Variants in NFX1 observed in about 807,000 individuals in gnomAD.
NFX1 encodes the protein transcriptional repressor NF-X1.
A neutral mutation model predicts 137.2 loss-of-function variants in NFX1; 69 were observed. The observed-to-expected ratio is 0.50, with a 90% CI of 0.41 to 0.61. The LOEUF (loss-of-function observed/expected upper bound fraction) is 0.61, where lower values mean the gene tolerates loss of function less well. NFX1 is among the 20% of genes least tolerant of loss of function. The pLI, the probability that NFX1 is intolerant of heterozygous loss-of-function variation, is 0.00. For missense variants in NFX1, 1,167 were observed against 1,391.0 expected, an observed-to-expected ratio of 0.84 and a Z score of 2.56; for synonymous variants, 495 against 474.1, an observed-to-expected ratio of 1.04 and a Z score of -0.57.
rs1821271970 is a variant in NFX1 at position 33,294,466 on chromosome 9, G to GA, written c.80dup (p.Asn27LysfsTer15). ...ATGCTGCTGAATTCATTCCTCAGGA[G>GA]AAAAAAAATTCTGGTCTAAATTGTG... On this transcript the variant is annotated frameshift_variant, in exon 2 of 24. Transcript: ENST00000379540. LOFTEE classifies it high-confidence loss of function. 2.5e-6 allele frequency: 4 copies of GA among 1,602,992 alleles called. No homozygotes were observed. The highest frequency in any genetic ancestry group is 1.8e-5 in the Admixed American group (1 of 56,766).
Position 33,301,262 on chromosome 9 carries a change from G to A in NFX1, c.1034-1G>A, listed in dbSNP as rs1821553653. On this transcript the variant is annotated splice_acceptor_variant, in intron 2 of 23. Coordinates refer to ENST00000379540, the MANE Select transcript of NFX1 (RefSeq NM_002504.6). LOFTEE classifies it high-confidence loss of function. ...TTTTTGTTATTTTGTTTTTTAAACA[G>A]GTTCTCTAATTGAACAACTAACAAC... The A allele has an allele frequency of 6.2e-7, 1 of 1,609,862 alleles. No individual in the cohort carries two copies. The highest frequency in any genetic ancestry group is 1.3e-5 in the African/African-American group (1 of 74,662).
chr9:33,328,855 C>T (rs913149834), intron 10 of NFX1, among the ~76,000 whole-genome samples, 177 bp downstream of exon 10: 6 of 152,122 alleles, frequency 3.9e-5, no homozygotes, highest in African/African-American at 1.4e-4. Context: ...CTACCAAATA[C>T]AGGTGTGATA....
chr9:33,305,889 A>G (rs1821736033), intron 4 of NFX1, among the ~76,000 whole-genome samples: 1 of 152,232 alleles, frequency 6.6e-6, no homozygotes, highest in African/African-American at 2.4e-5. Flanking sequence ...GGACTTAAGG[A>G]TGAGAATCAC....
rs143454591 is a variant in NFX1, at chr9:33,364,849, G to A, written c.3039+75G>A. On this transcript the variant is annotated intron_variant, in intron 21 of 23. Coordinates refer to ENST00000379540, the MANE Select transcript of NFX1 (RefSeq NM_002504.6). ...AAAAAAAAAAAGCAATCAAGTCCTGGAAACACTTTCAACCTAGAGTAGTTG... is the reference window on the plus strand; with the variant it reads ...AAAAAAAAAAAGCAATCAAGTCCTGAAAACACTTTCAACCTAGAGTAGTTG... 87 of 1,581,096 alleles carry A rather than the reference G, an allele frequency of 5.5e-5. No homozygotes were observed. The East Asian group carries it at 1.9e-3, about 34-fold the overall frequency.
Position 33,354,056 on chromosome 9 carries a change from CTCTTTTTCCCTT to C in NFX1, c.2730-22_2730-11del. On this transcript the variant is annotated intron_variant, in intron 17 of 23. Transcript: ENST00000379540. The stretch of plus-strand genomic sequence containing the variant: ...GGAGGTTCTTGTGAAACTGCAATGC[CTCTTTTTCCCTT>C]TCTTTTTTATATTTCAGAATAGCTG... 6.4e-7 allele frequency: 1 copy of C among 1,559,530 alleles called. No individual in the cohort carries two copies. The highest frequency in any genetic ancestry group is 1.9e-5 in the Admixed American group (1 of 51,394).
intron 22 of NFX1, among the ~76,000 whole-genome samples, chr9:33,366,990 C>T (rs1322889354): frequency 6.6e-6 from 1 of 152,266 alleles, no homozygotes; most frequent in African/African-American, 2.4e-5. Context: ...ACTCAAAATG[C>T]ACAAGTGTCA....
intron 9 of NFX1, 44 bp from the exon 10 acceptor site, chr9:33,328,537 G>A (rs370974863): frequency 2.7e-4 from 395 of 1,438,448 alleles, no homozygotes; most frequent in Non-Finnish European, 3.7e-4. Context: ...ATGAAAATGA[G>A]TAGTTGCAGT....
intron 3 of NFX1, among the ~76,000 whole-genome samples, chr9:33,302,357 A>ATTT (rs33976056): frequency 1.7e-4 from 12 of 70,990 alleles, no homozygotes; most frequent in African/African-American, 4.3e-4. Flanking sequence ...ATCTAACTGT[A>ATTT]TTTTTTTTTT....
Position 33,367,421 on chromosome 9 carries a change from A to G in NFX1, c.3186-94A>G. 12 of 1,274,950 alleles carry G rather than the reference A, an allele frequency of 9.4e-6. No homozygotes were observed. In the South Asian group the frequency reaches 1.3e-4, roughly 13 times the overall value. 79.0% of individuals were successfully genotyped at this position (1,274,950 alleles called of 1,614,324 possible). A position where few individuals can be genotyped will look rare whatever the true frequency, so the allele number is the denominator to read the frequency against. On this transcript the variant is annotated intron_variant, in intron 22 of 23. Transcript: ENST00000379540. The stretch of plus-strand genomic sequence containing the variant: ...ATACCAGAGAGTGCTCAGTAGTGTC[A>G]TAGTGCCAAAATCAAGGGCTGAGTT...
intron 2 of NFX1, among the ~76,000 whole-genome samples, chr9:33,300,403 T>C (rs979028771): frequency 6.6e-6 from 1 of 152,120 alleles, no homozygotes; most frequent in African/African-American, 2.4e-5. Context: ...TAATATGTAA[T>C]GTGCTTGCAA....
At chr9:33,350,014 AC>A (rs1473805728) in intron 15 of NFX1, among the ~76,000 whole-genome samples, 1 of 152,084 alleles carries the variant, frequency 6.6e-6, no homozygotes, top group East Asian at 1.9e-4. Context: ...CTCAAAAAAA[AC>A]AAAACAGGCC....
At chr9:33,366,234 C>T (rs529078110) in intron 21 of NFX1, among the ~76,000 whole-genome samples, 1 of 152,042 alleles carries the variant, frequency 6.6e-6, no homozygotes, top group African/African-American at 2.4e-5. Flanking sequence ...TGAATACTCA[C>T]GATTTTTAAA....
At chr9:33,339,066 A>G (rs1823121062) in intron 12 of NFX1, among the ~76,000 whole-genome samples, 1 of 152,178 alleles carries the variant, frequency 6.6e-6, no homozygotes, top group Admixed American at 6.5e-5. Context: ...GGAACTAATT[A>G]AATCACTAGC....
At chr9:33,355,573 C>G (rs1467001267) in intron 19 of NFX1, among the ~76,000 whole-genome samples, 2 of 151,444 alleles carry the variant, frequency 1.3e-5, no homozygotes, top group African/African-American at 4.9e-5. Context: ...ATTCATTTAC[C>G]CATTATACTG....
At chr9:33,347,236 T>A in intron 15 of NFX1, 119 bp downstream of exon 15, 2 of 750,108 alleles carry the variant, frequency 2.7e-6, no homozygotes, top group East Asian at 5.3e-5. Flanking sequence ...AAGCTTTCCA[T>A]TGCTTAAAAA....
intron 10 of NFX1, among the ~76,000 whole-genome samples, chr9:33,329,637 TA>T (rs1822727450): frequency 1.1e-5 from 1 of 91,898 alleles, no homozygotes; most frequent in Non-Finnish European, 2.2e-5. Context: ...GGATGGTTTT[TA>T]TTTTTCTTTT....
intron 18 of NFX1, among the ~76,000 whole-genome samples, chr9:33,354,494 G>A (rs1823748618): frequency 6.6e-6 from 1 of 152,166 alleles, no homozygotes; most frequent in Admixed American, 6.5e-5. Context: ...GAGGGAGATT[G>A]GGCTGTTAAG....
At position 33,311,149 on chromosome 9, in the gene NFX1, A is replaced by G. The variant is rs370855733; in HGVS notation, c.1420A>G (p.Thr474Ala). Residue 474 changes from threonine (T) to alanine (A), a missense_variant, in exon 6 of 24, where the codon ACA (threonine) becomes GCA (alanine). Thr to Ala is a moderately conservative substitution (Grantham distance 58). Coordinates refer to ENST00000379540, the MANE Select transcript of NFX1 (RefSeq NM_002504.6). Reference protein sequence around the residue: ...GPCPPCPAFMTKTCECGRTRH... With the variant: ...GPCPPCPAFMAKTCECGRTRH... Reference sequence around the variant, plus strand: ...CTGCCCACCCTGCCCTGCCTTTATGACAAAAACATGTGAATGTGGACGAAC... The same window carrying G: ...CTGCCCACCCTGCCCTGCCTTTATGGCAAAAACATGTGAATGTGGACGAAC... The G allele has an allele frequency of 1.2e-6, 2 of 1,613,940 alleles. No individual in the cohort carries two copies. Among genetic ancestry groups the G allele is most frequent in the African/African-American group, 2.7e-5 (2 of 74,936 alleles).
At chr9:33,321,639 G>A (rs1296913664) in intron 9 of NFX1, among the ~76,000 whole-genome samples, 1 of 152,208 alleles carries the variant, frequency 6.6e-6, no homozygotes, top group Non-Finnish European at 1.5e-5. Context: ...ACTTTGGGAG[G>A]CCAAGGTGGG....
Sources: allele counts gnomAD v4.1 joint callset (sites outside exome capture counted in the v4.1 genomes callset), GRCh38; gene constraint gnomAD v4.1.1; transcripts MANE v1.5; gene names NCBI Gene and HGNC (gene_info 2026-07-23, HGNC 2026-07-21).